The following CNTNAP2 variants were observed in gnomAD, a reference collection of about 807,000 sequenced individuals.
CNTNAP2 encodes the protein contactin associated protein 2.
Under a neutral mutation model 155.2 loss-of-function variants are expected in CNTNAP2, and 98 were observed. The ratio of observed to expected loss-of-function variants is 0.63; its 90% CI spans 0.54 to 0.75. The LOEUF (loss-of-function observed/expected upper bound fraction) is 0.75. Among genes scored for constraint, CNTNAP2 ranks in the 30% least tolerant of loss-of-function variants. The pLI is 0.00. For missense variants in CNTNAP2, 1,727 were observed against 1,688.1 expected, an observed-to-expected ratio of 1.02 and a Z score of -0.40; for synonymous variants, 651 against 631.2, an observed-to-expected ratio of 1.03 and a Z score of -0.47.
intron 1 of CNTNAP2, among the ~76,000 whole-genome samples, chr7:146,313,365 A>G (rs2129091108): frequency 1.3e-5 from 2 of 152,262 alleles, no homozygotes; most frequent in Middle Eastern, 6.8e-3. Flanking sequence ...TCTTTTGAGA[A>G]ATGTCTGTTC....
chr7:147,634,170 CA>C (rs1276044987), intron 12 of CNTNAP2, among the ~76,000 whole-genome samples: 1 of 152,178 alleles, frequency 6.6e-6, no homozygotes, highest in Non-Finnish European at 1.5e-5. Context: ...TTTACAGCAA[CA>C]GTATTTGCAA....
intron 21 of CNTNAP2, among the ~76,000 whole-genome samples, chr7:148,380,294 A>C (rs1036347459): frequency 1.3e-5 from 2 of 152,242 alleles, no homozygotes; most frequent in African/African-American, 2.4e-5. Context: ...ACTTGTAATA[A>C]ATTCAAAAAA....
rs1179104330 is a variant in CNTNAP2, at chr7:148,041,412, T to C, written c.2383+63423T>C. 3.3e-5 allele frequency among the ~76,000 whole-genome samples: 5 copies of C among 152,314 alleles called. No individual in the cohort carries two copies. The South Asian group carries it at 8.3e-4, about 25-fold the overall frequency. On this transcript the variant is annotated intron_variant, in intron 15 of 23. Coordinates refer to ENST00000361727, the MANE Select transcript of CNTNAP2 (RefSeq NM_014141.6). The stretch of plus-strand genomic sequence containing the variant: ...TTGTAAGGCACCAACTTGAAAAACA[T>C]GAAAAGCTGTGGCAGGCCACAAACA...
Position 147,104,420 on chromosome 7 carries a change from C to T in CNTNAP2, c.551-3727C>T, listed in dbSNP as rs576373923. On this transcript the variant is annotated intron_variant, in intron 4 of 23. Transcript: ENST00000361727. ...TATTATCCATATGTGTATCTATGTA[C>T]ATACGTAAAGATTCTTTATATGCAA... Among the ~76,000 whole-genome samples, 110 of 151,900 alleles carry T rather than the reference C, an allele frequency of 7.2e-4. 1 individual carries two copies. The highest frequency in any genetic ancestry group is 2.5e-3 in the African/African-American group (104 of 41,504).
chr7:146,553,852 C>T (rs999556244), intron 1 of CNTNAP2, among the ~76,000 whole-genome samples: 4 of 151,862 alleles, frequency 2.6e-5, no homozygotes, highest in African/African-American at 4.8e-5. Context: ...ATGCTGTCTG[C>T]GTACTCATGA....
chr7:148,093,185 G>A (rs1228090223), intron 15 of CNTNAP2, among the ~76,000 whole-genome samples: 1 of 110,064 alleles, frequency 9.1e-6, no homozygotes, highest in African/African-American at 4.4e-5. Context: ...TGAGAGCTCT[G>A]CTAAAAAAAA....
At chr7:146,658,404 A>C (rs1440230682) in intron 1 of CNTNAP2, among the ~76,000 whole-genome samples, 1 of 151,872 alleles carries the variant, frequency 6.6e-6, no homozygotes, top group Non-Finnish European at 1.5e-5. Context: ...AAAAATACGA[A>C]GTTTGCATTA....
chr7:146,326,292 C>CAT (rs3050920), intron 1 of CNTNAP2, among the ~76,000 whole-genome samples: 152,198 of 152,366 alleles, frequency 1, 76,015 homozygotes, highest in Middle Eastern at 1. Context: ...TTTATATACA[C>CAT]GATTCAGAAA....
chr7:146,564,912 A>T (rs1445299624), intron 1 of CNTNAP2, among the ~76,000 whole-genome samples: 1 of 152,132 alleles, frequency 6.6e-6, no homozygotes, highest in Non-Finnish European at 1.5e-5. Context: ...TATTCTATAG[A>T]TAAGAAACTG....
chr7:146,335,739 AC>A (rs1456573214), intron 1 of CNTNAP2, among the ~76,000 whole-genome samples: 1 of 152,088 alleles, frequency 6.6e-6, no homozygotes, highest in African/African-American at 2.4e-5. Context: ...GTTCATATAT[AC>A]TTTTAGGTCA....
At chr7:147,003,016 G>A (rs1230088170) in intron 3 of CNTNAP2, among the ~76,000 whole-genome samples, 6 of 150,262 alleles carry the variant, frequency 4.0e-5, no homozygotes, top group Non-Finnish European at 8.9e-5. Context: ...AAAACCAAAG[G>A]ACTAACAGAA....
At chr7:146,386,253 A>G (rs13237342) in intron 1 of CNTNAP2, among the ~76,000 whole-genome samples, 37,591 of 152,104 alleles carry the variant, frequency 0.25, 5,119 homozygotes, top group Admixed American at 0.4. Context: ...CATTTGTCCC[A>G]TTATAGAATA....
At chr7:147,338,260 C>T (rs760346842) in intron 9 of CNTNAP2, among the ~76,000 whole-genome samples, 22 of 152,030 alleles carry the variant, frequency 1.4e-4, no homozygotes, top group African/African-American at 4.6e-4. Flanking sequence ...CTCACTATCA[C>T]GAGAACAGCA....
At chr7:147,194,815 T>C (rs2116532860) in intron 8 of CNTNAP2, among the ~76,000 whole-genome samples, 1 of 152,348 alleles carries the variant, frequency 6.6e-6, no homozygotes, top group Non-Finnish European at 1.5e-5. Context: ...AAATTCTGGA[T>C]ATTAGAACTT....
intron 13 of CNTNAP2, among the ~76,000 whole-genome samples, chr7:147,752,111 T>C (rs965290863): frequency 6.6e-6 from 1 of 152,244 alleles, no homozygotes; most frequent in African/African-American, 2.4e-5. Context: ...ATCTAACTGA[T>C]GAGTCTAATG....
chr7:148,258,812 C>A (rs1455684148), intron 20 of CNTNAP2, among the ~76,000 whole-genome samples: 1 of 152,070 alleles, frequency 6.6e-6, no homozygotes, highest in Non-Finnish European at 1.5e-5. Context: ...GGGAGGATCA[C>A]TTGAGCCCAG....
intron 1 of CNTNAP2, among the ~76,000 whole-genome samples, chr7:146,322,461 C>T (rs954780931): frequency 3.3e-5 from 5 of 152,040 alleles, no homozygotes; most frequent in Non-Finnish European, 5.9e-5. Flanking sequence ...TCTAAATGTT[C>T]AGGGAAGGTT....
intron 9 of CNTNAP2, among the ~76,000 whole-genome samples, chr7:147,389,604 GT>G (rs1429045992): frequency 2.0e-5 from 3 of 152,144 alleles, no homozygotes; most frequent in African/African-American, 7.2e-5. Context: ...CAAGTATGAA[GT>G]TTTTATATGC....
At chr7:147,808,452 T>C (rs1321157707) in intron 13 of CNTNAP2, among the ~76,000 whole-genome samples, 1 of 152,192 alleles carries the variant, frequency 6.6e-6, no homozygotes, top group African/African-American at 2.4e-5. Flanking sequence ...ATTACCTTAT[T>C]CTTTCTATCC....
Sources: gnomAD v4.1 joint callset for allele counts (sites outside exome capture counted in the v4.1 genomes callset) on GRCh38, gnomAD v4.1.1 for gene constraint, MANE v1.5 for transcripts, NCBI Gene and HGNC (gene_info 2026-07-23, HGNC 2026-07-21) for gene names.